The following PEAK1 variants were observed in gnomAD, a reference collection of about 807,000 sequenced individuals.
PEAK1 encodes pseudopodium enriched atypical kinase 1, also known as inactive tyrosine-protein kinase PEAK1.
In PEAK1, 54 loss-of-function variants were observed where a neutral mutation model predicts 124.7. The ratio of observed to expected loss-of-function variants is 0.43; its 90% confidence interval spans 0.35 to 0.54. The LOEUF (loss-of-function observed/expected upper bound fraction) is 0.54. Among genes scored for constraint, PEAK1 ranks in the 20% least tolerant of loss-of-function variants. The pLI is 0.01. For missense variants in PEAK1, 2,046 were observed against 2,134.5 expected, an observed-to-expected ratio of 0.96 and a Z score of 0.82; for synonymous variants, 719 against 760.0, an observed-to-expected ratio of 0.95 and a Z score of 0.89.
Position 77,313,631 on chromosome 15 carries a change from A to AATGT in PEAK1, c.-602-27131_-602-27128dup, listed in dbSNP as rs200543732. Among the ~76,000 whole-genome samples the AATGT allele has an allele frequency of 2.1e-3, 263 of 124,238 alleles. 2 individuals carry two copies. The highest frequency in any genetic ancestry group is 0.01 in the East Asian group (44 of 4,206). The allele number at this position is 124,238 out of a possible 152,430, so 81.5% of individuals were successfully genotyped here. ...ACAGGCATGCACCACCATGCCCAGTAATGTATGTATGTATGTATGTATGTG... is the reference window on the plus strand; with the variant it reads ...ACAGGCATGCACCACCATGCCCAGTAATGTATGTATGTATGTATGTATGTATGTG... On this transcript the variant is annotated intron_variant, in intron 2 of 9. Coordinates refer to ENST00000682557, the MANE Select transcript of PEAK1 (RefSeq NM_001385026.1).
chr15:77,358,231 G>T (rs780492797), intron 2 of PEAK1, among the ~76,000 whole-genome samples: 1 of 151,842 alleles, frequency 6.6e-6, no homozygotes, highest in Non-Finnish European at 1.5e-5. Flanking sequence ...CTGTATATAT[G>T]CATGTTCAAG....
chr15:77,270,848 G>A (rs80336369), intron 5 of PEAK1, among the ~76,000 whole-genome samples: 10 of 151,708 alleles, frequency 6.6e-5, no homozygotes, highest in Admixed American at 1.3e-4. Context: ...CTTTTATTTC[G>A]TTGAGCAGGA....
At chr15:77,348,666 A>G in intron 2 of PEAK1, 1 of 985,452 alleles carries the variant, frequency 1.0e-6, no homozygotes, top group South Asian at 4.7e-5. Context: ...TATAAGATCC[A>G]ATTGATGTCC....
chr15:77,380,659 T>C (rs550635704), intron 1 of PEAK1, among the ~76,000 whole-genome samples: 71 of 152,164 alleles, frequency 4.7e-4, no homozygotes, highest in Middle Eastern at 6.8e-3. Context: ...TTGTACTTAG[T>C]GTAGAGATGG....
At chr15:77,358,773 T>C (rs1182999848) in intron 2 of PEAK1, among the ~76,000 whole-genome samples, 1 of 152,176 alleles carries the variant, frequency 6.6e-6, no homozygotes, top group Non-Finnish European at 1.5e-5. Context: ...AGGAGGAAAC[T>C]AGCATGTACA....
chr15:77,151,544 G>C (rs1254573306), intron 8 of PEAK1, among the ~76,000 whole-genome samples: 5 of 152,262 alleles, frequency 3.3e-5, no homozygotes, highest in East Asian at 1.9e-4. Flanking sequence ...TTTGGCTTTT[G>C]CTGCCATTGC....
intron 1 of PEAK1, among the ~76,000 whole-genome samples, chr15:77,408,086 TATATACACAC>T (rs1396715815): frequency 6.7e-6 from 1 of 150,174 alleles, no homozygotes; most frequent in Admixed American, 6.7e-5. Context: ...TATATACACA[TATATACACAC>T]ACATATATAC....
At chr15:77,147,916 A>G (rs2054287883) in intron 8 of PEAK1, among the ~76,000 whole-genome samples, 1 of 152,252 alleles carries the variant, frequency 6.6e-6, no homozygotes, top group Non-Finnish European at 1.5e-5. Context: ...AGTAGCTACT[A>G]TCTACATGCG....
intron 2 of PEAK1, chr15:77,335,442 C>A (rs1159625281): frequency 1.0e-6 from 1 of 985,180 alleles, no homozygotes; most frequent in Non-Finnish European, 1.2e-6. Context: ...TTGCCCAATA[C>A]TGTTGTCTGT....
At chr15:77,401,509 A>G in intron 1 of PEAK1, 1 of 969,840 alleles carries the variant, frequency 1.0e-6, no homozygotes. Flanking sequence ...AGAGTATAAG[A>G]AGAACAATAC....
At chr15:77,326,388 A>T (rs1428621072) in intron 2 of PEAK1, among the ~76,000 whole-genome samples, 1 of 152,208 alleles carries the variant, frequency 6.6e-6, no homozygotes, top group Non-Finnish European at 1.5e-5. Flanking sequence ...TAGGAGAAAT[A>T]AAAGAAAGGA....
chr15:77,412,554 A>G (rs1332455334), intron 1 of PEAK1, among the ~76,000 whole-genome samples: 2 of 152,186 alleles, frequency 1.3e-5, no homozygotes. Flanking sequence ...CAATCAGTAT[A>G]TTTATATTTT....
intron 5 of PEAK1, among the ~76,000 whole-genome samples, chr15:77,282,551 GC>G: frequency 6.6e-6 from 1 of 152,218 alleles, no homozygotes; most frequent in East Asian, 1.9e-4. Flanking sequence ...CAGCCTGGAA[GC>G]CTGGCTTGCT....
At chr15:77,384,347 C>T (rs1348003081) in intron 1 of PEAK1, among the ~76,000 whole-genome samples, 1 of 152,152 alleles carries the variant, frequency 6.6e-6, no homozygotes, top group Non-Finnish European at 1.5e-5. Context: ...AAACTTCAGT[C>T]AGTATGTCAG....
chr15:77,259,729 T>C (rs1401670108), intron 5 of PEAK1, among the ~76,000 whole-genome samples: 1 of 152,164 alleles, frequency 6.6e-6, no homozygotes, highest in Non-Finnish European at 1.5e-5. Flanking sequence ...CAATGCAGTA[T>C]TATGATCCCT....
At chr15:77,234,635 C>T (rs912380005) in intron 6 of PEAK1, among the ~76,000 whole-genome samples, 1 of 151,836 alleles carries the variant, frequency 6.6e-6, no homozygotes, top group African/African-American at 2.4e-5. Flanking sequence ...GATGAACACA[C>T]AGAATTGGAG....
intron 6 of PEAK1, among the ~76,000 whole-genome samples, chr15:77,187,924 C>A (rs949869668): frequency 1.3e-5 from 2 of 152,164 alleles, no homozygotes; most frequent in Admixed American, 1.3e-4. Flanking sequence ...GACAACCATA[C>A]CCACGTCACT....
chr15:77,407,914 C>CACATAT (rs1555504096), intron 1 of PEAK1, among the ~76,000 whole-genome samples: 2 of 128,084 alleles, frequency 1.6e-5, no homozygotes, highest in African/African-American at 5.3e-5. Context: ...CATATATATA[C>CACATAT]ACATATATAC....
chr15:77,412,308 G>C (rs1466924738), intron 1 of PEAK1, among the ~76,000 whole-genome samples: 28 of 152,150 alleles, frequency 1.8e-4, no homozygotes. Flanking sequence ...TACTTAGCAT[G>C]TCTATTAGAC....
Sources: gnomAD v4.1 joint callset for allele counts (sites outside exome capture counted in the v4.1 genomes callset) on GRCh38, gnomAD v4.1.1 for gene constraint, MANE v1.5 for transcripts, NCBI Gene and HGNC (gene_info 2026-07-23, HGNC 2026-07-21) for gene names.